ACTA2: variants seen among roughly 807,000 people sequenced by gnomAD.
ACTA2 encodes actin alpha 2, smooth muscle.
In ACTA2, 12 loss-of-function variants were observed where a neutral mutation model predicts 39.5. The ratio of observed to expected loss-of-function variants is 0.30; its 90% CI spans 0.19 to 0.49. ACTA2 has a LOEUF of 0.49. Among genes scored for constraint, ACTA2 ranks in the 20% least tolerant of loss-of-function variants. The pLI is 0.99. For missense variants in ACTA2, 236 were observed against 498.8 expected, an observed-to-expected ratio of 0.47 and a Z score of 5.02; for synonymous variants, 158 against 180.6, an observed-to-expected ratio of 0.88 and a Z score of 1.00.
upstream of ACTA2, among the ~76,000 whole-genome samples, chr10:88,954,580 A>G (rs1457010121): frequency 6.6e-6 from 1 of 152,092 alleles, no homozygotes; most frequent in Non-Finnish European, 1.5e-5. Flanking sequence ...ATCTTTATGA[A>G]GTGACTGTTC....
At chr10:88,951,630 G>A (rs1346657136) in intron 1 of ACTA2, among the ~76,000 whole-genome samples, 1 of 152,184 alleles carries the variant, frequency 6.6e-6, no homozygotes, top group Non-Finnish European at 1.5e-5. Context: ...TCTCTAACCT[G>A]AATGAGCAGT....
At chr10:88,970,774 C>T (rs1846423616) in intron 1 of ACTA2, among the ~76,000 whole-genome samples, 1 of 151,990 alleles carries the variant, frequency 6.6e-6, no homozygotes, top group South Asian at 2.1e-4. Context: ...ATGTAAATGA[C>T]AAGTTAATGG....
chr10:88,955,720 A>G (rs1488574150), upstream of ACTA2, among the ~76,000 whole-genome samples: 1 of 152,212 alleles, frequency 6.6e-6, no homozygotes, highest in Admixed American at 6.5e-5. Context: ...GAGAAGATAC[A>G]TGGTATATTA....
intron 1 of ACTA2, chr10:88,989,625 C>G (rs1344644129): frequency 9.5e-6 from 5 of 526,556 alleles, no homozygotes; most frequent in Non-Finnish European, 3.8e-6. Flanking sequence ...GGAAAGCCCT[C>G]AGGAGGGTAA....
intron 1 of ACTA2, chr10:88,989,550 A>G (rs1180181122): frequency 1.8e-6 from 1 of 543,006 alleles, no homozygotes; most frequent in South Asian, 1.4e-5. Context: ...TGGAACAGAG[A>G]CAAGCCTATC....
intron 1 of ACTA2, among the ~76,000 whole-genome samples, chr10:88,960,101 T>A (rs774692464): frequency 6.6e-6 from 1 of 152,194 alleles, no homozygotes; most frequent in African/African-American, 2.4e-5. Flanking sequence ...TCTTCCATAC[T>A]ATACTCTTTG....
intron 3 of ACTA2, among the ~76,000 whole-genome samples, 194 bp from the exon 4 acceptor site, chr10:88,944,101 A>G (rs564146569): frequency 3.3e-5 from 5 of 152,328 alleles, no homozygotes; most frequent in African/African-American, 1.2e-4. Context: ...AAGGATTCAC[A>G]TCTACTAAGT....
At chr10:88,948,983 G>A (rs1344828001) in intron 1 of ACTA2, 30 bp from the exon 2 acceptor site, 1 of 1,611,030 alleles carries the variant, frequency 6.2e-7, no homozygotes, top group African/African-American at 1.3e-5. Context: ...AGCAGCCTCA[G>A]CTGTAATTGG....
At chr10:88,943,991 T>G (rs541639666) in intron 3 of ACTA2, 84 bp from the exon 4 acceptor site, 1 of 1,254,432 alleles carries the variant, frequency 8.0e-7, no homozygotes, top group African/African-American at 1.5e-5. Context: ...CAGAAGCTAC[T>G]TGAAACCAAG....
At chr10:88,971,942 C>T (rs1280464132) in intron 1 of ACTA2, among the ~76,000 whole-genome samples, 1 of 150,686 alleles carries the variant, frequency 6.6e-6, no homozygotes, top group Admixed American at 6.6e-5. Context: ...TGGAGTCTTG[C>T]TCTGTCGCCA....
chr10:88,943,772 TTG>T, intron 4 of ACTA2, 23 bp downstream of exon 4: 1 of 1,569,678 alleles, frequency 6.4e-7, no homozygotes, highest in Admixed American at 1.7e-5. Context: ...CCCCACAGTG[TTG>T]TGTGCTGGGG....
At chr10:88,966,471 G>C (rs770994428) in intron 1 of ACTA2, among the ~76,000 whole-genome samples, 2 of 152,068 alleles carry the variant, frequency 1.3e-5, no homozygotes, top group Non-Finnish European at 2.9e-5. Flanking sequence ...TTAATATCCT[G>C]TCTACCTCTA....
chr10:88,959,658 A>G (rs1589407822), intron 1 of ACTA2, among the ~76,000 whole-genome samples: 1 of 152,332 alleles, frequency 6.6e-6, no homozygotes, highest in East Asian at 1.9e-4. Context: ...ATTTTCCATA[A>G]TTAATGAACT....
At chr10:88,961,179 TTA>T (rs1846221328) in intron 1 of ACTA2, among the ~76,000 whole-genome samples, 1 of 152,116 alleles carries the variant, frequency 6.6e-6, no homozygotes, top group Non-Finnish European at 1.5e-5. Flanking sequence ...CACTCATGGG[TTA>T]TGTCTACAGA....
intron 1 of ACTA2, among the ~76,000 whole-genome samples, chr10:88,975,495 A>G (rs537639362): frequency 6.6e-6 from 1 of 152,328 alleles, no homozygotes; most frequent in East Asian, 1.9e-4. Context: ...TCCAATACGT[A>G]AAGAATCAGG....
chr10:88,941,944 T>C (rs1330966796), intron 4 of ACTA2, 75 bp from the exon 5 acceptor site: 6 of 1,371,318 alleles, frequency 4.4e-6, no homozygotes, highest in East Asian at 4.9e-5. Flanking sequence ...GCACACCTGG[T>C]TGATGGATGC....
At chr10:88,942,073 G>C (rs1028722929) in intron 4 of ACTA2, among the ~76,000 whole-genome samples, 1 of 152,182 alleles carries the variant, frequency 6.6e-6, no homozygotes, top group Admixed American at 6.5e-5. Context: ...TCAATGGCCT[G>C]ACAGGGTGGG....
chr10:88,968,858 C>T (rs912303346), intron 1 of ACTA2, among the ~76,000 whole-genome samples: 3 of 152,088 alleles, frequency 2.0e-5, no homozygotes, highest in Non-Finnish European at 4.4e-5. Context: ...CCTTTTAAAG[C>T]CTTCTTCTTG....
intron 4 of ACTA2, among the ~76,000 whole-genome samples, chr10:88,942,405 A>T (rs1338323147): frequency 6.6e-6 from 1 of 152,142 alleles, no homozygotes; most frequent in Admixed American, 6.5e-5. Flanking sequence ...CATTTCTGTG[A>T]TTTGTCTGAG....
Sources: gnomAD v4.1 joint callset for allele counts (sites outside exome capture counted in the v4.1 genomes callset) on GRCh38, gnomAD v4.1.1 for gene constraint, MANE v1.5 for transcripts, NCBI Gene and HGNC (gene_info 2026-07-23, HGNC 2026-07-21) for gene names.